STON1: variants seen among roughly 807,000 people sequenced by gnomAD.
STON1 encodes stonin 1.
Under a neutral mutation model 60.9 loss-of-function variants are expected in STON1, and 79 were observed. The observed-to-expected ratio is 1.30, with a 90% CI of 1.08 to 1.56. The LOEUF (loss-of-function observed/expected upper bound fraction) is 1.56, where lower values mean the gene tolerates loss of function less well. Ranked by LOEUF, STON1 falls within the 40% of genes most tolerant of loss-of-function variation. The pLI, the probability that STON1 is intolerant of heterozygous loss-of-function variation, is 0.00. For missense variants in STON1, 1,166 were observed against 858.9 expected, an observed-to-expected ratio of 1.36 and a Z score of -4.47; for synonymous variants, 363 against 306.9, an observed-to-expected ratio of 1.18 and a Z score of -1.91.
intron 1 of STON1, chr2:48,531,640 C>CAGAGCAGCCG (rs1671214984): frequency 1.3e-5 from 2 of 152,344 alleles, no homozygotes; most frequent in African/African-American, 2.4e-5. Context: ...CACTCAGAAC[C>CAGAGCAGCCG]AGAGCAGCCG....
rs764051368 is a variant in STON1 at position 48,582,054 on chromosome 2, AC to A, written c.1422del (p.Ser475GlnfsTer17). On this transcript the variant is annotated frameshift_variant, in exon 2 of 4. Transcript: ENST00000404752. LOFTEE classifies it high-confidence loss of function. The part of the protein sequence containing the change: ...PKRDESYYEK[D>X]SEKKGIDILD... ...CGAGATGAATCCTATTATGAGAAGGACTCAGAAAAAAAGGGGATTGATATTC... is the reference window on the plus strand; with the variant it reads ...CGAGATGAATCCTATTATGAGAAGGATCAGAAAAAAAGGGGATTGATATTC... 1 of 1,614,016 alleles carries A rather than the reference AC, an allele frequency of 6.2e-7. No individual in the cohort carries two copies. Among genetic ancestry groups the A allele is most frequent in the African/African-American group, 1.3e-5 (1 of 74,910 alleles).
Position 48,581,490 on chromosome 2 carries a change from A to G in STON1, c.857A>G (p.Lys286Arg). ...WSFMLRIPEK[K>R]NMMSSRQWGP... is the part of the protein sequence containing the mutation. The stretch of plus-strand genomic sequence containing the variant: ...TTCATGCTGAGAATTCCTGAGAAGA[A>G]GAATATGATGTCTTCCCGGCAATGG... The change falls in exon 2 of 4, where the codon AAG becomes AGG. Residue 286 changes from lysine (K) to arginine (R), a missense_variant. Physicochemically the swap from Lys to Arg is conservative, Grantham distance 26. Transcript: ENST00000404752. 1.2e-6 allele frequency: 2 copies of G among 1,614,250 alleles called. No homozygotes were observed. Among genetic ancestry groups the G allele is most frequent in the Non-Finnish European group, 1.7e-6 (2 of 1,180,046 alleles).
chr2:48,557,326 C>T (rs1433569928), intron 1 of STON1, among the ~76,000 whole-genome samples: 2 of 91,644 alleles, frequency 2.2e-5, no homozygotes, highest in African/African-American at 3.9e-5. Context: ...GCGCTCCTCA[C>T]ATCCCAGATG....
At chr2:48,576,185 C>CTTTTTTTTTTT (rs34849002) in intron 1 of STON1, among the ~76,000 whole-genome samples, 7 of 63,062 alleles carry the variant, frequency 1.1e-4, no homozygotes, top group East Asian at 5.4e-4. Context: ...GTTTTCCTTT[C>CTTTTTTTTTTT]TTTTTTTTTT....
At chr2:48,583,377 C>T (rs1335513189) in intron 2 of STON1, among the ~76,000 whole-genome samples, 3 of 152,196 alleles carry the variant, frequency 2.0e-5, no homozygotes, top group Non-Finnish European at 4.4e-5. Context: ...GTGTGAGCCA[C>T]CTCATCTGGC....
At position 48,576,199 on chromosome 2, in the gene STON1, T is replaced by C. The variant is rs1375250147; in HGVS notation, c.-47-4388T>C. On this transcript the variant is annotated intron_variant, in intron 1 of 3. Coordinates refer to ENST00000404752, the MANE Select transcript of STON1 (RefSeq NM_006873.4). The stretch of plus-strand genomic sequence containing the variant: ...TGTTTTCCTTTCTTTTTTTTTTTTT[T>C]TTTTTTTTTTTGAGACAGAGTCTCA... Among the ~76,000 whole-genome samples, 151 of 128,440 alleles carry C rather than the reference T, an allele frequency of 1.2e-3. 1 individual carries two copies. The highest frequency in any genetic ancestry group is 2.2e-3 in the Non-Finnish European group (131 of 60,414). 84.3% of individuals were successfully genotyped at this position (128,440 alleles called of 152,430 possible).
chr2:48,566,363 A>G (rs953450569), intron 1 of STON1, among the ~76,000 whole-genome samples: 1 of 152,078 alleles, frequency 6.6e-6, no homozygotes, highest in East Asian at 1.9e-4. Flanking sequence ...TTTAGTAGAG[A>G]CGGGGTTTCA....
chr2:48,590,490 C>G (rs1572648350), intron 2 of STON1, among the ~76,000 whole-genome samples: 4 of 152,224 alleles, frequency 2.6e-5, no homozygotes, highest in South Asian at 4.2e-4. Context: ...TAATCTGGTT[C>G]TTGAAATTAC....
At chr2:48,593,694 A>C (rs1480690335) in intron 3 of STON1, among the ~76,000 whole-genome samples, 1 of 152,086 alleles carries the variant, frequency 6.6e-6, no homozygotes, top group East Asian at 1.9e-4. Context: ...ATTTTCTACT[A>C]ATTTATTTCT....
chr2:48,532,805 A>G (rs1401378849), intron 1 of STON1, among the ~76,000 whole-genome samples: 1 of 152,236 alleles, frequency 6.6e-6, no homozygotes, highest in Non-Finnish European at 1.5e-5. Context: ...CCAGACAGCC[A>G]CAGAAAGCAG....
rs1672834360 is a variant in STON1 at position 48,564,578 on chromosome 2, T to TCCTC, written c.-47-16008_-47-16007insCTCC. On this transcript the variant is annotated intron_variant, in intron 1 of 3. Coordinates refer to ENST00000404752, the MANE Select transcript of STON1 (RefSeq NM_006873.4). ...TTCTTCTTCTTCTTCTCCTTCTCCT[T>TCCTC]CTCCTCCTCCTCCTCCTCCTCCTCC... 7.6e-4 allele frequency among the ~76,000 whole-genome samples: 24 copies of TCCTC among 31,704 alleles called. 6 individuals are homozygous for TCCTC. The highest frequency in any genetic ancestry group is 9.7e-4 in the Non-Finnish European group (18 of 18,568). 20.8% of individuals were successfully genotyped at this position (31,704 alleles called of 152,430 possible). A position where few individuals can be genotyped will look rare whatever the true frequency, so the allele number is the denominator to read the frequency against.
chr2:48,593,812 G>A (rs1674655232), intron 3 of STON1, among the ~76,000 whole-genome samples: 1 of 152,270 alleles, frequency 6.6e-6, no homozygotes, highest in South Asian at 2.1e-4. Context: ...CTGTTTAGAA[G>A]TCTATGTTTG....
rs563361178 is a variant in STON1, at chr2:48,557,716, C to T, written c.-47-22871C>T. On this transcript the variant is annotated intron_variant, in intron 1 of 3. Transcript: ENST00000404752. ...GGGAGGCCGAGGTTGGCGGATCACT[C>T]GCGGTTAGGGGCTAAGTGCAAAATT... Among the ~76,000 whole-genome samples, 9 of 68,982 alleles carry T rather than the reference C, an allele frequency of 1.3e-4. 3 individuals carry two copies. The highest frequency in any genetic ancestry group is 2.6e-4 in the Non-Finnish European group (8 of 31,120). The allele number at this position is 68,982 out of a possible 152,430, so 45.3% of individuals were successfully genotyped here.
chr2:48,553,460 TG>T (rs1423639761), intron 1 of STON1, among the ~76,000 whole-genome samples: 57 of 151,810 alleles, frequency 3.8e-4, no homozygotes, highest in African/African-American at 1.3e-3. Context: ...TGTTTTGTTT[TG>T]TTTTTTTCCT....
At position 48,564,578 on chromosome 2, in the gene STON1, T is replaced by TCTCCTTCTCCTC. The variant is rs1672834609; in HGVS notation, c.-47-16004_-47-16003insTCTCCTCCTCCT. On this transcript the variant is annotated intron_variant, in intron 1 of 3. Transcript: ENST00000404752. ...TTCTTCTTCTTCTTCTCCTTCTCCT[T>TCTCCTTCTCCTC]CTCCTCCTCCTCCTCCTCCTCCTCC... 6.6e-4 allele frequency among the ~76,000 whole-genome samples: 21 copies of TCTCCTTCTCCTC among 31,710 alleles called. 4 individuals carry two copies. Among genetic ancestry groups the TCTCCTTCTCCTC allele is most frequent in the South Asian group, 6.0e-3 (3 of 500 alleles). The allele number at this position is 31,710 out of a possible 152,430, so 20.8% of individuals were successfully genotyped here.
chr2:48,584,049 C>T (rs1674059669), intron 2 of STON1, among the ~76,000 whole-genome samples: 1 of 151,968 alleles, frequency 6.6e-6, no homozygotes, highest in Non-Finnish European at 1.5e-5. Context: ...GTGCCCGGCC[C>T]ATCCATCCAA....
chr2:48,593,246 G>C (rs1818881), intron 3 of STON1, among the ~76,000 whole-genome samples: 4,276 of 152,100 alleles, frequency 0.028, 208 homozygotes, highest in African/African-American at 0.097. Flanking sequence ...CTCCCGAGTA[G>C]CTGGGATTAC....
At chr2:48,535,011 T>G (rs1671365010) in intron 1 of STON1, among the ~76,000 whole-genome samples, 1 of 152,098 alleles carries the variant, frequency 6.6e-6, no homozygotes, top group Non-Finnish European at 1.5e-5. Flanking sequence ...CCAGGTACCT[T>G]ATGGGATTCT....
chr2:48,560,488 G>A (rs541499443), intron 1 of STON1, among the ~76,000 whole-genome samples: 41 of 152,216 alleles, frequency 2.7e-4, no homozygotes, highest in Non-Finnish European at 5.1e-4. Flanking sequence ...ATGCCAGCAG[G>A]CAGCCCTGAA....
Sources: gnomAD v4.1 joint callset for allele counts (sites outside exome capture counted in the v4.1 genomes callset) on GRCh38, gnomAD v4.1.1 for gene constraint, MANE v1.5 for transcripts, NCBI Gene and HGNC (gene_info 2026-07-23, HGNC 2026-07-21) for gene names.